C4orf17: variants seen among roughly 807,000 people sequenced by gnomAD.
C4orf17 encodes uncharacterized protein C4orf17.
Under a neutral mutation model 32.0 loss-of-function variants are expected in C4orf17, and 25 were observed. That is an observed-to-expected ratio of 0.78 (90% confidence interval 0.57 to 1.09). The LOEUF (loss-of-function observed/expected upper bound fraction) is 1.09. C4orf17 is among the 50% of genes least tolerant of loss of function. The pLI, the probability that C4orf17 is intolerant of heterozygous loss-of-function variation, is 0.00. For synonymous variants in C4orf17, 149 were observed against 145.8 expected, an observed-to-expected ratio of 1.02 and a Z score of -0.16; for missense variants, 420 against 420.0, an observed-to-expected ratio of 1.00 and a Z score of 0.00.
intron 7 of C4orf17, 132 bp from the exon 8 acceptor site, chr4:99,540,280 T>TAA (rs534933920): frequency 3.6e-6 from 2 of 561,810 alleles, no homozygotes; most frequent in South Asian, 2.8e-5. Flanking sequence ...CTGTATGCAT[T>TAA]AAAAAAAACA....
At position 99,541,945 on chromosome 4, in the gene C4orf17, A is replaced by G; in HGVS notation, c.916A>G (p.Asn306Asp). 6.2e-7 allele frequency: 1 copy of G among 1,613,900 alleles called. No homozygotes were observed. The highest frequency in any genetic ancestry group is 8.5e-7 in the Non-Finnish European group (1 of 1,179,932). ...CAAGCCTCCACTACTTATAAGAAGA[A>G]ATAATATGAAAATACCTGTTGCAGA... ...EHKPPLLIRRNNMKIPVAEYF... is the reference protein window; with the variant it reads ...EHKPPLLIRRDNMKIPVAEYF... The change falls in exon 9 of 9, where the codon AAT (asparagine) becomes GAT (aspartate). Residue 306 changes from asparagine (N) to aspartate (D), a missense_variant. Transcript: ENST00000326581.
At chr4:99,516,965 T>A (rs1478689655) in intron 2 of C4orf17, among the ~76,000 whole-genome samples, 2 of 151,846 alleles carry the variant, frequency 1.3e-5, no homozygotes, top group African/African-American at 4.9e-5. Flanking sequence ...AAAGAGGATC[T>A]ATTGGCTCAA....
chr4:99,540,624 A>C, intron 8 of C4orf17, 169 bp downstream of exon 8: 1 of 542,172 alleles, frequency 1.8e-6, no homozygotes, highest in East Asian at 3.0e-5. Flanking sequence ...TCATAAAGAT[A>C]AATTTACCTT....
At chr4:99,514,108 C>T (rs1438366967) in intron 2 of C4orf17, among the ~76,000 whole-genome samples, 1 of 151,996 alleles carries the variant, frequency 6.6e-6, no homozygotes, top group African/African-American at 2.4e-5. Flanking sequence ...AGAAACGCTG[C>T]CATAGTGAGC....
chr4:99,539,336 C>T lies in C4orf17; in HGVS notation c.802C>T (p.Leu268=). Residue 268 remains leucine, a synonymous_variant, in exon 7 of 9, where the codon CTG becomes TTG. Coordinates refer to ENST00000326581, the MANE Select transcript of C4orf17 (RefSeq NM_032149.3). The part of the protein sequence containing the change: ...PPNFTAKSKV[L]TRDTEGDQPT... ...AAATTTTACTGCAAAATCAAAAGTG[C>T]TGACCAGAGATACAGAAGGGGATCA... 6.2e-7 allele frequency: 1 copy of T among 1,614,052 alleles called. No homozygotes were observed.
intron 8 of C4orf17, chr4:99,540,849 G>C (rs1723640758): frequency 6.4e-6 from 1 of 155,442 alleles, no homozygotes; most frequent in African/African-American, 2.4e-5. Context: ...AGAGAGAAGA[G>C]TAAAATGGCA....
At chr4:99,537,079 G>T (rs1271609606) in intron 5 of C4orf17, among the ~76,000 whole-genome samples, 1 of 152,040 alleles carries the variant, frequency 6.6e-6, no homozygotes, top group Non-Finnish European at 1.5e-5. Flanking sequence ...TGGCCTTCTT[G>T]GGGGGAGGTC....
At chr4:99,525,959 C>T (rs939019994) in intron 4 of C4orf17, among the ~76,000 whole-genome samples, 4 of 151,970 alleles carry the variant, frequency 2.6e-5, no homozygotes, top group Non-Finnish European at 5.9e-5. Context: ...GTAATTTTTT[C>T]CATCATAGTT....
At chr4:99,519,864 A>C (rs1358966144) in intron 2 of C4orf17, among the ~76,000 whole-genome samples, 1 of 152,158 alleles carries the variant, frequency 6.6e-6, no homozygotes, top group Non-Finnish European at 1.5e-5. Context: ...CCAGCTAAGC[A>C]GCACAGAGAG....
chr4:99,516,536 C>T (rs891736907), intron 2 of C4orf17, among the ~76,000 whole-genome samples: 3 of 152,218 alleles, frequency 2.0e-5, no homozygotes, highest in African/African-American at 7.2e-5. Flanking sequence ...AGCCTGCCCT[C>T]AGGAGCTGGA....
At chr4:99,535,322 G>A (rs1723544545) in intron 5 of C4orf17, among the ~76,000 whole-genome samples, 1 of 152,062 alleles carries the variant, frequency 6.6e-6, no homozygotes, top group Non-Finnish European at 1.5e-5. Context: ...ATGATATCCT[G>A]AAGTATGTTT....
chr4:99,538,488 T>C (rs991810458), intron 6 of C4orf17, among the ~76,000 whole-genome samples: 2 of 152,240 alleles, frequency 1.3e-5, no homozygotes, highest in African/African-American at 4.8e-5. Flanking sequence ...AAGTCTAATG[T>C]TTTAAAGTAG....
intron 4 of C4orf17, among the ~76,000 whole-genome samples, chr4:99,527,687 C>T (rs1434366396): frequency 5.9e-5 from 9 of 152,240 alleles, no homozygotes; most frequent in Non-Finnish European, 1.2e-4. Flanking sequence ...CACTTGCCCT[C>T]CCACTGCTCA....
chr4:99,541,883 T>C (rs935008162), intron 8 of C4orf17, 27 bp from the exon 9 acceptor site: 1 of 1,540,582 alleles, frequency 6.5e-7, no homozygotes, highest in African/African-American at 1.4e-5. Flanking sequence ...AATTATGGTC[T>C]TATTTAGATT....
At position 99,524,582 on chromosome 4, in the gene C4orf17, A is replaced by G; in HGVS notation, c.399A>G (p.Lys133=). The change falls in exon 4 of 9, where the codon AAA becomes AAG. Residue 133 remains lysine, a synonymous_variant. Coordinates refer to ENST00000326581, the MANE Select transcript of C4orf17 (RefSeq NM_032149.3). ...CCAGTGAGAATCCCTTAGTAATTAAAAAGGTAAGGAACAGCTATTTACTGC... is the reference window on the plus strand; with the variant it reads ...CCAGTGAGAATCCCTTAGTAATTAAGAAGGTAAGGAACAGCTATTTACTGC... The part of the protein sequence containing the change: ...KTSSENPLVI[K]KEEIKAKRPP... The G allele has an allele frequency of 6.3e-7, 1 of 1,587,664 alleles. No homozygotes were observed.
chr4:99,540,272 G>A, intron 7 of C4orf17, 140 bp from the exon 8 acceptor site: 1 of 534,798 alleles, frequency 1.9e-6, no homozygotes, highest in Non-Finnish European at 3.4e-6. Flanking sequence ...ATTTAATACT[G>A]TATGCATTAA....
intron 1 of C4orf17, among the ~76,000 whole-genome samples, chr4:99,512,349 A>G (rs116263413): frequency 6.6e-6 from 1 of 152,298 alleles, no homozygotes; most frequent in African/African-American, 2.4e-5. Flanking sequence ...ATGGTTGTGA[A>G]TTCACCAAGA....
At chr4:99,540,544 C>A in intron 8 of C4orf17, 89 bp downstream of exon 8, 2 of 845,986 alleles carry the variant, frequency 2.4e-6, no homozygotes, top group South Asian at 1.6e-5. Flanking sequence ...AGGATCAGTG[C>A]TTTTAAAAAA....
At chr4:99,512,607 T>C (rs1723112204) in intron 1 of C4orf17, among the ~76,000 whole-genome samples, 1 of 152,112 alleles carries the variant, frequency 6.6e-6, no homozygotes, top group South Asian at 2.1e-4. Flanking sequence ...TAATTCAATG[T>C]AAAGTGCATT....
Sources: gnomAD v4.1 joint callset for allele counts (sites outside exome capture counted in the v4.1 genomes callset) on GRCh38, gnomAD v4.1.1 for gene constraint, MANE v1.5 for transcripts, NCBI Gene and HGNC (gene_info 2026-07-23, HGNC 2026-07-21) for gene names.